Variants in CATSPERG observed in about 807,000 individuals in gnomAD.
CATSPERG encodes the protein catsper channel auxiliary subunit gamma.
CATSPERG carries 115 observed loss-of-function variants against 145.0 expected under a neutral mutation model. The observed-to-expected ratio is 0.79, with a 90% CI of 0.68 to 0.93. The LOEUF is 0.93. Ranked by LOEUF, CATSPERG falls within the 40% of genes least tolerant of loss-of-function variation. The pLI is 0.00. For synonymous variants in CATSPERG, 588 were observed against 589.0 expected (o/e 1.00, Z 0.02); for missense variants, 1,296 against 1,490.1 (o/e 0.87, Z 2.14).
At chr19:38,354,295 C>A (rs1322822553) in intron 8 of CATSPERG, among the ~76,000 whole-genome samples, 3 of 152,242 alleles carry the variant, frequency 2.0e-5, no homozygotes, top group African/African-American at 7.2e-5. Flanking sequence ...ACCATGGGGT[C>A]ACTGTCACGG....
At chr19:38,344,172 C>G (rs1366039063) in intron 5 of CATSPERG, 53 bp downstream of exon 5, 3 of 1,549,342 alleles carry the variant, frequency 1.9e-6, no homozygotes, top group Non-Finnish European at 2.6e-6. Flanking sequence ...ATTCCTCACC[C>G]CAGGGTCCCC....
chr19:38,369,176 GA>G (rs956611773), intron 26 of CATSPERG, among the ~76,000 whole-genome samples: 10 of 152,120 alleles, frequency 6.6e-5, no homozygotes, highest in South Asian at 4.1e-4. Flanking sequence ...TCAATGAAAG[GA>G]AAAAAATGAA....
At chr19:38,364,045 G>T (rs1045341541) in intron 20 of CATSPERG, among the ~76,000 whole-genome samples, 2 of 151,944 alleles carry the variant, frequency 1.3e-5, no homozygotes, top group African/African-American at 2.4e-5. Context: ...GGGCGGCCGG[G>T]CAGAGGTGCC....
At chr19:38,344,899 A>ATTTTTTTTTTTTTTT (rs1457655650) in intron 6 of CATSPERG, among the ~76,000 whole-genome samples, 1 of 93,098 alleles carries the variant, frequency 1.1e-5, no homozygotes, top group African/African-American at 4.1e-5. Context: ...ATATATATAT[A>ATTTTTTTTTTTTTTT]TATTTTTTTT....
At chr19:38,356,621 G>T (rs1356988918) in intron 10 of CATSPERG, 78 bp downstream of exon 10, 3 of 1,591,712 alleles carry the variant, frequency 1.9e-6, no homozygotes, top group East Asian at 4.5e-5. Context: ...GGGTGGCAGG[G>T]GTCATGGGAA....
At chr19:38,346,747 AAC>A (rs1262359190) in intron 7 of CATSPERG, 142 bp downstream of exon 7, 1 of 753,544 alleles carries the variant, frequency 1.3e-6, no homozygotes, top group Non-Finnish European at 1.9e-6. Context: ...ATGAAGAAAA[AAC>A]ACAAGATTCT....
At chr19:38,343,123 T>C (rs901447083) in intron 3 of CATSPERG, among the ~76,000 whole-genome samples, 2 of 151,660 alleles carry the variant, frequency 1.3e-5, no homozygotes, top group Non-Finnish European at 2.9e-5. Flanking sequence ...GGTGGGAGGC[T>C]CACTTGAGAC....
chr19:38,353,099 C>T (rs1354316979), intron 8 of CATSPERG, among the ~76,000 whole-genome samples: 5 of 148,326 alleles, frequency 3.4e-5, no homozygotes, highest in African/African-American at 7.5e-5. Context: ...TTTGGGAGGC[C>T]GAGGCGGGTG....
chr19:38,359,326 T>TG (rs1253902980), intron 13 of CATSPERG, 144 bp from the exon 14 acceptor site: 13 of 490,508 alleles, frequency 2.7e-5, no homozygotes, highest in African/African-American at 6.0e-5. Flanking sequence ...GGGTTTGGGG[T>TG]GGGGGGCGGG....
chr19:38,366,617 ACT>A (rs1970453887), intron 22 of CATSPERG: 1 of 152,436 alleles, frequency 6.6e-6, no homozygotes, highest in Non-Finnish European at 1.5e-5. Context: ...AAGCAGGGAG[ACT>A]CTGGAAGAGA....
intron 23 of CATSPERG, 72 bp from the exon 24 acceptor site, chr19:38,367,437 C>T: frequency 1.3e-6 from 2 of 1,569,064 alleles, no homozygotes; most frequent in Admixed American, 1.7e-5. Flanking sequence ...CTCACTTTCC[C>T]CCGTCTCGGT....
chr19:38,348,562 C>G (rs1236319728), intron 7 of CATSPERG, among the ~76,000 whole-genome samples: 1 of 151,450 alleles, frequency 6.6e-6, no homozygotes, highest in African/African-American at 2.4e-5. Context: ...CAACCTCCAC[C>G]CCCCGGGTTC....
chr19:38,363,319 C>T (rs147435656), intron 20 of CATSPERG, among the ~76,000 whole-genome samples: 1 of 152,060 alleles, frequency 6.6e-6, no homozygotes, highest in African/African-American at 2.4e-5. Context: ...GGATTACAAG[C>T]GTGAGCCACT....
intron 20 of CATSPERG, among the ~76,000 whole-genome samples, 162 bp downstream of exon 20, chr19:38,362,994 T>C (rs1970381038): frequency 6.9e-6 from 1 of 144,118 alleles, no homozygotes; most frequent in Non-Finnish European, 1.5e-5. Flanking sequence ...TCCCTCAACC[T>C]CCTGAGTAGC....
chr19:38,355,740 T>C (rs1344209576), intron 9 of CATSPERG, among the ~76,000 whole-genome samples: 2 of 152,130 alleles, frequency 1.3e-5, no homozygotes, highest in African/African-American at 2.4e-5. Flanking sequence ...CACAAAGAAT[T>C]TGTGGACTTA....
In CATSPERG at chr19:38,358,329, G is replaced by A. The variant is rs1299354265; in HGVS notation, c.1366+1G>A. ...CACATCCCAGAATTCATCCCTGAAGGTAGGAAGGGAAGGCAGACGTGGCCT... is the reference window on the plus strand; with the variant it reads ...CACATCCCAGAATTCATCCCTGAAGATAGGAAGGGAAGGCAGACGTGGCCT... On this transcript the variant is annotated splice_donor_variant, in intron 12 of 28. Transcript: ENST00000409235. LOFTEE classifies it high-confidence loss of function. 6.2e-7 allele frequency: 1 copy of A among 1,614,052 alleles called. No individual in the cohort carries two copies. Among genetic ancestry groups the A allele is most frequent in the Non-Finnish European group, 8.5e-7 (1 of 1,180,028 alleles).
intron 8 of CATSPERG, among the ~76,000 whole-genome samples, chr19:38,353,925 G>A (rs1970197074): frequency 1.4e-5 from 2 of 145,660 alleles, no homozygotes; most frequent in Non-Finnish European, 3.0e-5. Flanking sequence ...CCAGGAGGCG[G>A]GGCTGCAGTG....
rs141890583 is a variant in CATSPERG at position 38,362,763 on chromosome 19, C to T, written c.2406C>T (p.Ala802=). 1 of 1,614,086 alleles carries T rather than the reference C, an allele frequency of 6.2e-7. No homozygotes were observed. The highest frequency in any genetic ancestry group is 8.5e-7 in the Non-Finnish European group (1 of 1,180,008). The part of the protein sequence containing the change: ...HSQVDVGVVL[A]DPGCIEASVK... ...AGGTGGACGTGGGCGTGGTGCTGGC[C>T]GACCCCGGCTGCATCGAGGCCTCGG... Residue 802 remains alanine (A), a synonymous_variant, in exon 20 of 29, where the codon GCC becomes GCT. Transcript: ENST00000409235.
intron 26 of CATSPERG, among the ~76,000 whole-genome samples, 176 bp downstream of exon 26, chr19:38,368,313 C>A (rs556500754): frequency 1.3e-5 from 2 of 152,352 alleles, no homozygotes; most frequent in African/African-American, 4.8e-5. Context: ...ATGCTGCTCC[C>A]TCCGACTCTT....
Sources: gnomAD v4.1 joint callset for allele counts (sites outside exome capture counted in the v4.1 genomes callset) on GRCh38, gnomAD v4.1.1 for gene constraint, MANE v1.5 for transcripts, NCBI Gene and HGNC (gene_info 2026-07-23, HGNC 2026-07-21) for gene names.